Variants in NGEF observed in about 807,000 individuals in gnomAD.
NGEF encodes the protein ephexin-1.
A neutral mutation model predicts 80.9 loss-of-function variants in NGEF; 31 were observed. The ratio of observed to expected loss-of-function variants is 0.38; its 90% confidence interval spans 0.29 to 0.52. The LOEUF is 0.52. Ranked by LOEUF, NGEF falls within the 20% of genes least tolerant of loss-of-function variation. The probability of loss-of-function intolerance (pLI) is 0.84; values close to 1 mark genes in which losing one functional copy is unlikely to be tolerated. For missense variants in NGEF, 709 were observed against 926.2 expected (o/e 0.77, Z 3.04); for synonymous variants, 371 against 370.2 (o/e 1.00, Z -0.03).
At chr2:232,975,600 T>G (rs1694275969) in intron 1 of NGEF, among the ~76,000 whole-genome samples, 1 of 152,168 alleles carries the variant, frequency 6.6e-6, no homozygotes, top group Admixed American at 6.5e-5. Context: ...GCATATCATC[T>G]GAACGAGGAC....
At chr2:232,972,492 C>T (rs541746053) in intron 2 of NGEF, among the ~76,000 whole-genome samples, 2 of 152,166 alleles carry the variant, frequency 1.3e-5, no homozygotes, top group South Asian at 4.1e-4. Flanking sequence ...ACTGTAACCC[C>T]CTTCTCCATC....
intron 1 of NGEF, among the ~76,000 whole-genome samples, chr2:232,985,965 A>G (rs1694524860): frequency 6.6e-6 from 1 of 152,048 alleles, no homozygotes; most frequent in Non-Finnish European, 1.5e-5. Flanking sequence ...AAAGAAAAAA[A>G]AAGAATTCAG....
In NGEF at chr2:232,881,041, A is replaced by ACAC; in HGVS notation, c.1942+102_1942+104dup. The ACAC allele has an allele frequency of 8.1e-6, 7 of 859,304 alleles. No individual in the cohort carries two copies. The South Asian group carries it at 8.9e-5, about 11-fold the overall frequency. 53.2% of individuals were successfully genotyped at this position (859,304 alleles called of 1,614,324 possible). A position where few individuals can be genotyped will look rare whatever the true frequency, so the allele number is the denominator to read the frequency against. On this transcript the variant is annotated intron_variant, in intron 14 of 14. Coordinates refer to ENST00000264051, the MANE Select transcript of NGEF (RefSeq NM_019850.3). Reference sequence around the variant, plus strand: ...CTCAGGGAGCAAGAGACATGGCAGGACACCAGCCTGTCAGACAGTGGTGGC... The same window carrying ACAC: ...CTCAGGGAGCAAGAGACATGGCAGGACACCACCAGCCTGTCAGACAGTGGTGGC...
At chr2:233,000,745 G>C (rs1694957162) in intron 1 of NGEF, among the ~76,000 whole-genome samples, 1 of 146,504 alleles carries the variant, frequency 6.8e-6, no homozygotes, top group African/African-American at 2.6e-5. Context: ...GGGCGACAGA[G>C]CGAGACTCTG....
chr2:232,905,149 C>G (rs1005270982), intron 5 of NGEF, among the ~76,000 whole-genome samples: 1 of 152,138 alleles, frequency 6.6e-6, no homozygotes, highest in Non-Finnish European at 1.5e-5. Flanking sequence ...CCTCTCATGC[C>G]GAGCCAAAGC....
At chr2:233,006,762 A>G (rs1167284816) in intron 1 of NGEF, among the ~76,000 whole-genome samples, 1 of 152,146 alleles carries the variant, frequency 6.6e-6, no homozygotes, top group Non-Finnish European at 1.5e-5. Flanking sequence ...TCTTTACTGT[A>G]CTTGTCCTAT....
chr2:232,909,674 C>T (rs1459894036), intron 5 of NGEF, among the ~76,000 whole-genome samples: 1 of 152,124 alleles, frequency 6.6e-6, no homozygotes, highest in African/African-American at 2.4e-5. Flanking sequence ...GGATGCTCAA[C>T]AGTTCCAACA....
intron 3 of NGEF, chr2:232,927,795 G>C (rs1329628031): frequency 1.4e-6 from 1 of 735,470 alleles, no homozygotes; most frequent in Non-Finnish European, 1.8e-6. Flanking sequence ...GAGGAGTGGG[G>C]ATAGGCCGCG....
intron 3 of NGEF, among the ~76,000 whole-genome samples, chr2:232,955,311 A>G (rs1693799084): frequency 6.6e-6 from 1 of 152,160 alleles, no homozygotes. Flanking sequence ...GCTCCTATAT[A>G]ACCCAAACAC....
At chr2:232,993,098 A>ATATAT (rs1694684432) in intron 1 of NGEF, among the ~76,000 whole-genome samples, 2 of 93,644 alleles carry the variant, frequency 2.1e-5, no homozygotes, top group African/African-American at 7.0e-5. Context: ...TATATATATA[A>ATATAT]ATAAATAAAT....
chr2:233,003,348 C>A lies in NGEF; in HGVS notation c.-75+9720G>T, dbSNP rs141247928. Among the ~76,000 whole-genome samples, 7 of 152,306 alleles carry A rather than the reference C, an allele frequency of 4.6e-5. No homozygotes were observed. The East Asian group carries it at 1.2e-3, about 25-fold the overall frequency. On this transcript the variant is annotated intron_variant, in intron 1 of 14. Coordinates refer to ENST00000264051, the MANE Select transcript of NGEF (RefSeq NM_019850.3). ...GTGCTCTTTCCCTCTGATGTCGATC[C>A]CAGCCTATTTCTGATCCTTCCTGAA...
At chr2:232,974,006 C>T (rs1039577982) in intron 2 of NGEF, among the ~76,000 whole-genome samples, 2 of 152,150 alleles carry the variant, frequency 1.3e-5, no homozygotes, top group Non-Finnish European at 2.9e-5. Context: ...ATTCTTCACC[C>T]CCAGCAGGCT....
At chr2:232,898,825 C>T (rs932337546) in intron 5 of NGEF, among the ~76,000 whole-genome samples, 4 of 152,134 alleles carry the variant, frequency 2.6e-5, no homozygotes, top group Middle Eastern at 3.2e-3. Flanking sequence ...CCTGTGAGGG[C>T]GAGTGGGAAT....
rs1248281830 is a variant in NGEF at position 232,940,058 on chromosome 2, C to T, written c.384-12872G>A. On this transcript the variant is annotated intron_variant, in intron 3 of 14. Coordinates refer to ENST00000264051, the MANE Select transcript of NGEF (RefSeq NM_019850.3). The stretch of plus-strand genomic sequence containing the variant: ...CCAGTGTTTTGGGTAGGGATGGGTC[C>T]GTCTAGGAGAGATGTTTGAGACACA... Among the ~76,000 whole-genome samples the T allele has an allele frequency of 4.6e-5, 7 of 151,980 alleles. 1 individual carries two copies. Among genetic ancestry groups the T allele is most frequent in the South Asian group, 4.2e-4 (2 of 4,790 alleles).
At chr2:232,994,954 T>G (rs534449953) in intron 1 of NGEF, among the ~76,000 whole-genome samples, 1 of 109,114 alleles carries the variant, frequency 9.2e-6, no homozygotes, top group Non-Finnish European at 2.0e-5. Context: ...ATATAATACA[T>G]ACATATGTAT....
At chr2:232,914,254 C>T (rs573394013) in intron 5 of NGEF, among the ~76,000 whole-genome samples, 1 of 152,332 alleles carries the variant, frequency 6.6e-6, no homozygotes, top group East Asian at 1.9e-4. Flanking sequence ...ATGATCTCTG[C>T]TCTAGACTTA....
At chr2:232,900,909 G>A (rs1408218605) in intron 5 of NGEF, among the ~76,000 whole-genome samples, 2 of 152,232 alleles carry the variant, frequency 1.3e-5, no homozygotes, top group African/African-American at 2.4e-5. Flanking sequence ...CAGGCAGCGC[G>A]GGCCACGGGG....
intron 3 of NGEF, chr2:232,927,979 G>A: frequency 7.7e-7 from 1 of 1,291,370 alleles, no homozygotes; most frequent in Non-Finnish European, 9.8e-7. Context: ...CGGCGCTGAA[G>A]GCAGCGGCCA....
At position 232,891,441 on chromosome 2, in the gene NGEF, C is replaced by G; in HGVS notation, c.1189G>C (p.Asp397His). Reference sequence around the variant, plus strand: ...AAGGGCAGCCCCCTGCACTTGGGGTCGAGCTCTAGCTGCGCGATCAGCTCC... The same window carrying G: ...AAGGGCAGCCCCCTGCACTTGGGGTGGAGCTCTAGCTGCGCGATCAGCTCC... The part of the protein sequence containing the change: ...FRELIAQLEL[D>H]PKCRGLPFSS... The change falls in exon 8 of 15, where the codon GAC becomes CAC. Residue 397 changes from aspartate to histidine, a missense_variant. By Grantham distance (81) the Asp-to-His change is moderately conservative (BLOSUM62 -1). Around this residue, in one of 2 missense-constraint regions of NGEF, gnomAD observed 426 missense variants for 622.9 expected, o/e 0.68. Transcript: ENST00000264051. 6.2e-7 allele frequency: 1 copy of G among 1,613,328 alleles called. No individual in the cohort carries two copies. The highest frequency in any genetic ancestry group is 8.5e-7 in the Non-Finnish European group (1 of 1,179,946).
Sources: gnomAD v4.1 joint callset for allele counts (sites outside exome capture counted in the v4.1 genomes callset) on GRCh38, gnomAD v4.1.1 for gene constraint, gnomAD v4.1.1 regional missense constraint, MANE v1.5 for transcripts, NCBI Gene and HGNC (gene_info 2026-07-23, HGNC 2026-07-21) for gene names.